The following HS3ST3A1 variants were observed in gnomAD, a reference collection of about 807,000 sequenced individuals.
The protein encoded by HS3ST3A1 is heparan sulfate glucosamine 3-O-sulfotransferase 3A1.
A neutral mutation model predicts 25.7 loss-of-function variants in HS3ST3A1; 19 were observed. The observed-to-expected ratio is 0.74, with a 90% CI of 0.52 to 1.08. The LOEUF is 1.08. Ranked by LOEUF, HS3ST3A1 falls within the 50% of genes least tolerant of loss-of-function variation. HS3ST3A1 has a pLI of 0.00. For missense variants in HS3ST3A1, 459 were observed against 594.3 expected (o/e 0.77, Z 2.37); for synonymous variants, 226 against 278.6 (o/e 0.81, Z 1.88).
At chr17:13,528,273 T>A (rs1906500160) in intron 1 of HS3ST3A1, among the ~76,000 whole-genome samples, 1 of 152,170 alleles carries the variant, frequency 6.6e-6, no homozygotes, top group East Asian at 1.9e-4. Context: ...ACAAAAAGGA[T>A]GGGAAATGTG....
chr17:13,547,871 A>T (rs1231731711), intron 1 of HS3ST3A1, among the ~76,000 whole-genome samples: 5 of 146,568 alleles, frequency 3.4e-5, no homozygotes, highest in African/African-American at 1.3e-4. Context: ...CCAGGTAGAT[A>T]GTGTCAGAAT....
intron 1 of HS3ST3A1, among the ~76,000 whole-genome samples, chr17:13,597,725 A>G (rs1402098969): frequency 1.3e-5 from 2 of 152,312 alleles, no homozygotes; most frequent in African/African-American, 4.8e-5. Flanking sequence ...CTTTATCTTT[A>G]CTACAAATGT....
intron 1 of HS3ST3A1, among the ~76,000 whole-genome samples, chr17:13,568,538 A>G (rs575089478): frequency 1.3e-5 from 2 of 152,180 alleles, no homozygotes; most frequent in South Asian, 2.1e-4. Context: ...AAATATTTTT[A>G]TGCTGTCCAG....
At chr17:13,574,535 G>A (rs1049970474) in intron 1 of HS3ST3A1, among the ~76,000 whole-genome samples, 3 of 151,780 alleles carry the variant, frequency 2.0e-5, no homozygotes, top group East Asian at 4.0e-4. Flanking sequence ...TGGCTAACAC[G>A]GTGAAACCCC....
chr17:13,579,677 G>A (rs192597494), intron 1 of HS3ST3A1, among the ~76,000 whole-genome samples: 2 of 143,310 alleles, frequency 1.4e-5, no homozygotes, highest in African/African-American at 5.2e-5. Flanking sequence ...TTCCAGCCTG[G>A]GTGACAGAGC....
intron 1 of HS3ST3A1, among the ~76,000 whole-genome samples, chr17:13,551,497 T>C (rs1284042620): frequency 6.6e-6 from 1 of 151,962 alleles, no homozygotes; most frequent in Non-Finnish European, 1.5e-5. Context: ...GTCCCACCAC[T>C]GTGGCCATAT....
At chr17:13,513,562 T>A (rs1905950820) in intron 1 of HS3ST3A1, among the ~76,000 whole-genome samples, 1 of 152,222 alleles carries the variant, frequency 6.6e-6, no homozygotes, top group African/African-American at 2.4e-5. Flanking sequence ...ATGCAGAGCT[T>A]TATGTTAATA....
intron 1 of HS3ST3A1, among the ~76,000 whole-genome samples, chr17:13,583,901 A>G (rs1908178836): frequency 6.6e-6 from 1 of 152,220 alleles, no homozygotes; most frequent in Non-Finnish European, 1.5e-5. Context: ...TCAGACAATA[A>G]AGCAATAATA....
chr17:13,600,554 G>C lies in HS3ST3A1; in HGVS notation c.576C>G (p.Tyr192Ter). 6.2e-7 allele frequency: 1 copy of C among 1,601,052 alleles called. No homozygotes were observed. Among genetic ancestry groups the C allele is most frequent in the South Asian group, 1.1e-5 (1 of 90,474 alleles). Residue 192 changes from tyrosine (Y) to a stop codon, truncating the protein, a stop_gained, in exon 1 of 2, where the codon TAC becomes TAG. Coordinates refer to ENST00000284110, the MANE Select transcript of HS3ST3A1 (RefSeq NM_006042.3). LOFTEE classifies it high-confidence loss of function. ...ACCGGTACCAGGCGAGGCCCTTGTC[G>C]TAGCTGCGGTCGAAGAAGTGGGGCT... is the stretch of plus-strand genomic sequence containing the variant. ...GAEPHFFDRSYDKGLAWYRDL... is the reference protein window; with the variant it reads ...GAEPHFFDRS
intron 1 of HS3ST3A1, among the ~76,000 whole-genome samples, chr17:13,584,998 C>T (rs1908213297): frequency 6.6e-6 from 1 of 152,042 alleles, no homozygotes; most frequent in African/African-American, 2.4e-5. Flanking sequence ...TCTTAACTCA[C>T]AAGGCAAATA....
intron 1 of HS3ST3A1, among the ~76,000 whole-genome samples, chr17:13,581,179 G>A (rs1908102427): frequency 6.6e-6 from 1 of 152,078 alleles, no homozygotes; most frequent in East Asian, 1.9e-4. Flanking sequence ...TAACTTATAT[G>A]TCTATCATAT....
chr17:13,591,643 A>G (rs1007687575), intron 1 of HS3ST3A1, among the ~76,000 whole-genome samples: 11 of 144,912 alleles, frequency 7.6e-5, no homozygotes, highest in African/African-American at 2.8e-4. Context: ...TATTGCCCAA[A>G]TTTCCTTTTT....
At chr17:13,510,346 AG>A (rs1205793456) in intron 1 of HS3ST3A1, among the ~76,000 whole-genome samples, 4 of 152,222 alleles carry the variant, frequency 2.6e-5, no homozygotes, top group Admixed American at 6.5e-5. Flanking sequence ...GCTGGAGATA[AG>A]GGGGGAAAAC....
At chr17:13,566,338 A>G (rs1907674495) in intron 1 of HS3ST3A1, among the ~76,000 whole-genome samples, 2 of 152,168 alleles carry the variant, frequency 1.3e-5, no homozygotes, top group Non-Finnish European at 2.9e-5. Context: ...TTATTGATAA[A>G]TGTGTGTGTA....
intron 1 of HS3ST3A1, among the ~76,000 whole-genome samples, chr17:13,574,365 C>T (rs1429756493): frequency 6.6e-6 from 1 of 151,286 alleles, no homozygotes; most frequent in Non-Finnish European, 1.5e-5. Flanking sequence ...GAACTCCTGA[C>T]CTCAGCCTCC....
At chr17:13,578,648 T>C (rs1352755041) in intron 1 of HS3ST3A1, among the ~76,000 whole-genome samples, 2 of 151,772 alleles carry the variant, frequency 1.3e-5, no homozygotes, top group African/African-American at 4.8e-5. Flanking sequence ...GCCCAGTCTC[T>C]CCTAGACATA....
intron 1 of HS3ST3A1, among the ~76,000 whole-genome samples, chr17:13,545,229 A>G (rs934056314): frequency 1.3e-5 from 2 of 152,218 alleles, no homozygotes; most frequent in Middle Eastern, 3.2e-3. Context: ...TAAACTGCCA[A>G]TGCAGATATA....
intron 1 of HS3ST3A1, among the ~76,000 whole-genome samples, chr17:13,515,471 GTTTT>G (rs33924561): frequency 7.4e-5 from 8 of 107,794 alleles, no homozygotes; most frequent in African/African-American, 1.1e-4. Flanking sequence ...GTTTGTTTCA[GTTTT>G]TTTTTTTTTT....
At chr17:13,510,013 A>C (rs1267999740) in intron 1 of HS3ST3A1, among the ~76,000 whole-genome samples, 2 of 152,222 alleles carry the variant, frequency 1.3e-5, no homozygotes, top group Non-Finnish European at 2.9e-5. Flanking sequence ...TGAACTGTGA[A>C]AGTTACATTA....
Sources: allele counts gnomAD v4.1 joint callset (sites outside exome capture counted in the v4.1 genomes callset), GRCh38; gene constraint gnomAD v4.1.1; transcripts MANE v1.5; gene names NCBI Gene and HGNC (gene_info 2026-07-23, HGNC 2026-07-21).